FARP2: variants seen among roughly 807,000 people sequenced by gnomAD.
The protein encoded by FARP2 is FERM, ARHGEF and pleckstrin domain-containing protein 2.
FARP2 carries 111 observed loss-of-function variants against 130.5 expected under a neutral mutation model. The ratio of observed to expected loss-of-function variants is 0.85; its 90% CI spans 0.73 to 1.00. The LOEUF is 1.00. Ranked by LOEUF, FARP2 falls within the 50% of genes least tolerant of loss-of-function variation. The pLI is 0.00. For synonymous variants in FARP2, 504 were observed against 516.9 expected (o/e 0.98, Z 0.34); for missense variants, 1,385 against 1,346.3 (o/e 1.03, Z -0.45).
At chr2:241,438,360 G>T (rs1234415222) in intron 12 of FARP2, among the ~76,000 whole-genome samples, 1 of 152,092 alleles carries the variant, frequency 6.6e-6, no homozygotes, top group Non-Finnish European at 1.5e-5. Context: ...TTTGAGACCA[G>T]CCTGGACAAC....
At chr2:241,358,608 A>T (rs552454928) in intron 1 of FARP2, among the ~76,000 whole-genome samples, 1 of 152,184 alleles carries the variant, frequency 6.6e-6, no homozygotes, top group South Asian at 2.1e-4. Context: ...TCCTTCACCC[A>T]CTTTCATATC....
chr2:241,385,791 G>A (rs748823634), intron 2 of FARP2, among the ~76,000 whole-genome samples: 50 of 151,904 alleles, frequency 3.3e-4, no homozygotes, highest in Non-Finnish European at 5.6e-4. Context: ...CAACATTTAC[G>A]TCATATCATC....
chr2:241,403,522 A>G (rs2062247737), intron 2 of FARP2, among the ~76,000 whole-genome samples: 1 of 152,174 alleles, frequency 6.6e-6, no homozygotes, highest in South Asian at 2.1e-4. Context: ...TAAATATCGA[A>G]ATTATTTGAT....
chr2:241,362,638 T>C (rs1186390823), intron 1 of FARP2, among the ~76,000 whole-genome samples: 1 of 152,080 alleles, frequency 6.6e-6, no homozygotes, highest in East Asian at 1.9e-4. Context: ...AATTGAACTA[T>C]TTTTGAAAGA....
At chr2:241,462,692 C>A (rs952604991) in intron 15 of FARP2, 80 bp downstream of exon 15, 1 of 983,462 alleles carries the variant, frequency 1.0e-6, no homozygotes. Flanking sequence ...TCTTTTTTTT[C>A]TTTTTTTCTT....
intron 18 of FARP2, among the ~76,000 whole-genome samples, chr2:241,468,990 CTCTAATGGGGACCTAT>C (rs780087327): frequency 8.5e-5 from 13 of 152,156 alleles, no homozygotes; most frequent in Non-Finnish European, 1.5e-4. Context: ...GGGAACATTG[CTCTAATGGGGACCTAT>C]TCTAATGGGG....
intron 24 of FARP2, 52 bp downstream of exon 24, chr2:241,491,731 T>C (rs756846133): frequency 1.3e-6 from 2 of 1,527,294 alleles, no homozygotes; most frequent in Admixed American, 3.8e-5. Context: ...CCCAGCTGTC[T>C]CTGCACTTGG....
At chr2:241,373,048 A>C in intron 1 of FARP2, 36 bp from the exon 2 acceptor site, 16 of 1,134,610 alleles carry the variant, frequency 1.4e-5, no homozygotes, top group Non-Finnish European at 1.6e-5. Flanking sequence ...ATAATGTGAT[A>C]ATTCCTTCAT....
chr2:241,425,680 G>A (rs2062918450), intron 8 of FARP2, among the ~76,000 whole-genome samples: 1 of 145,280 alleles, frequency 6.9e-6, no homozygotes, highest in African/African-American at 2.5e-5. Flanking sequence ...AGGACCAGAT[G>A]GATTCACAGC....
At chr2:241,439,063 A>G (rs964387070) in intron 12 of FARP2, among the ~76,000 whole-genome samples, 1 of 151,442 alleles carries the variant, frequency 6.6e-6, no homozygotes, top group African/African-American at 2.4e-5. Context: ...GTCTCACTCT[A>G]TCATCTCGGC....
chr2:241,361,802 T>C (rs2061192398), intron 1 of FARP2, among the ~76,000 whole-genome samples: 1 of 152,144 alleles, frequency 6.6e-6, no homozygotes, highest in Admixed American at 6.5e-5. Flanking sequence ...GGGAATGTGT[T>C]TGTGAAGGAG....
intron 13 of FARP2, 76 bp downstream of exon 13, chr2:241,441,632 T>C: frequency 1.3e-6 from 2 of 1,599,696 alleles, no homozygotes; most frequent in Non-Finnish European, 1.7e-6. Flanking sequence ...GCCTTAGACC[T>C]AGACACAGGG....
rs1559786215 is a variant in FARP2 at position 241,453,768 on chromosome 2, GGT to G, written c.1412-2978_1412-2977del. ...TTGTTTACTGGGAGTGGCACTTACT[GGT>G]TTTTTTTTTTTTTTTTTTTTTTTTT... On this transcript the variant is annotated intron_variant, in intron 13 of 26. Transcript: ENST00000264042. Among the ~76,000 whole-genome samples the G allele has an allele frequency of 7.4e-4, 74 of 99,880 alleles. 9 individuals are homozygous for G. Among genetic ancestry groups the G allele is most frequent in the East Asian group, 3.4e-3 (9 of 2,680 alleles). 65.5% of individuals were successfully genotyped at this position (99,880 alleles called of 152,430 possible). A position where few individuals can be genotyped will look rare whatever the true frequency, so the allele number is the denominator to read the frequency against.
At chr2:241,409,431 T>A (rs1056842970) in intron 5 of FARP2, among the ~76,000 whole-genome samples, 1 of 151,980 alleles carries the variant, frequency 6.6e-6, no homozygotes, top group Non-Finnish European at 1.5e-5. Flanking sequence ...GCACCTGTAG[T>A]CCAGCTACTC....
In FARP2 at chr2:241,407,423, G is replaced by A. The variant is rs2062389605; in HGVS notation, c.332-114G>A. 29 of 782,492 alleles carry A rather than the reference G, an allele frequency of 3.7e-5. 1 individual carries two copies. The South Asian group carries it at 4.7e-4, about 13-fold the overall frequency. 48.5% of individuals were successfully genotyped at this position (782,492 alleles called of 1,614,324 possible). On this transcript the variant is annotated intron_variant, in intron 4 of 26. Transcript: ENST00000264042. Reference sequence around the variant, plus strand: ...TTCTTAATATCATATTATTTGAAAAGATTTGCTGTAACAGTCCACTTGGAA... The same window carrying A: ...TTCTTAATATCATATTATTTGAAAAAATTTGCTGTAACAGTCCACTTGGAA...
At chr2:241,365,299 G>A (rs1227140014) in intron 1 of FARP2, among the ~76,000 whole-genome samples, 1 of 152,036 alleles carries the variant, frequency 6.6e-6, no homozygotes, top group East Asian at 1.9e-4. Flanking sequence ...TCCCCAACTC[G>A]TTGGATTATT....
chr2:241,381,375 C>G (rs531258442), intron 2 of FARP2, among the ~76,000 whole-genome samples: 1 of 152,156 alleles, frequency 6.6e-6, no homozygotes, highest in African/African-American at 2.4e-5. Flanking sequence ...GGACCGCTGA[C>G]TTTGAGAAGA....
rs569002336 is a variant in FARP2, at chr2:241,473,551, G to T, written c.2132-2306G>T. On this transcript the variant is annotated intron_variant, in intron 18 of 26. Transcript: ENST00000264042. Reference sequence around the variant, plus strand: ...TGTCCTGAGCTTCCAGCAGCTGCCAGTCCCTACCGAGGTGCAGCACAGTGT... The same window carrying T: ...TGTCCTGAGCTTCCAGCAGCTGCCATTCCCTACCGAGGTGCAGCACAGTGT... Among the ~76,000 whole-genome samples the T allele has an allele frequency of 8.5e-5, 13 of 152,340 alleles. No individual in the cohort carries two copies. In the South Asian group the frequency reaches 2.7e-3, roughly 32 times the overall value.
intron 2 of FARP2, among the ~76,000 whole-genome samples, chr2:241,374,073 G>A (rs1391207625): frequency 6.6e-6 from 1 of 150,712 alleles, no homozygotes; most frequent in East Asian, 1.9e-4. Context: ...GTGCAGTGGT[G>A]CGATCATGCC....
Sources: allele counts gnomAD v4.1 joint callset (sites outside exome capture counted in the v4.1 genomes callset), GRCh38; gene constraint gnomAD v4.1.1; transcripts MANE v1.5; gene names NCBI Gene and HGNC (gene_info 2026-07-23, HGNC 2026-07-21).